ADAMTSL1: variants seen among roughly 807,000 people sequenced by gnomAD.
ADAMTSL1 encodes ADAMTS-like protein 1.
Under a neutral mutation model 201.8 loss-of-function variants are expected in ADAMTSL1, and 126 were observed. The ratio of observed to expected loss-of-function variants is 0.62; its 90% CI spans 0.54 to 0.72. The LOEUF is 0.72. Among genes scored for constraint, ADAMTSL1 ranks in the 30% least tolerant of loss-of-function variants. The pLI is 0.00. For synonymous variants in ADAMTSL1, 1,121 were observed against 903.4 expected, an observed-to-expected ratio of 1.24 and a Z score of -4.32; for missense variants, 2,679 against 2,277.8, an observed-to-expected ratio of 1.18 and a Z score of -3.59.
chr9:17,978,859 C>G (rs1257707257), intron 1 of ADAMTSL1, among the ~76,000 whole-genome samples: 1 of 152,002 alleles, frequency 6.6e-6, no homozygotes, highest in Admixed American at 6.6e-5. Flanking sequence ...TAAGGCAGGG[C>G]TAGTGACAAT....
chr9:17,949,007 G>T (rs1178850061), intron 1 of ADAMTSL1, among the ~76,000 whole-genome samples: 2 of 152,144 alleles, frequency 1.3e-5, no homozygotes, highest in Non-Finnish European at 1.5e-5. Context: ...ATATCTGTAT[G>T]ATTCTGAAAT....
chr9:18,189,715 C>T (rs1415535941), intron 2 of ADAMTSL1, among the ~76,000 whole-genome samples: 30 of 152,194 alleles, frequency 2.0e-4, no homozygotes. Context: ...TCCTTCAGCT[C>T]CCACCATTAT....
At chr9:18,829,761 C>G in intron 22 of ADAMTSL1, 82 bp from the exon 23 acceptor site, 1 of 1,562,198 alleles carries the variant, frequency 6.4e-7, no homozygotes, top group East Asian at 2.2e-5. Flanking sequence ...CATGTGCACA[C>G]ACATGCATAC....
At chr9:18,161,568 A>G (rs576766832) in intron 1 of ADAMTSL1, among the ~76,000 whole-genome samples, 4 of 152,204 alleles carry the variant, frequency 2.6e-5, no homozygotes, top group African/African-American at 9.6e-5. Flanking sequence ...CTGTAAACCC[A>G]GTTCTTGATC....
intron 2 of ADAMTSL1, among the ~76,000 whole-genome samples, chr9:18,379,219 T>A (rs1225457886): frequency 6.6e-6 from 1 of 152,202 alleles, no homozygotes; most frequent in African/African-American, 2.4e-5. Context: ...GAGTCACTCA[T>A]GCTAAACGCC....
At chr9:18,694,886 G>C (rs1449100444) in intron 13 of ADAMTSL1, among the ~76,000 whole-genome samples, 1 of 152,222 alleles carries the variant, frequency 6.6e-6, no homozygotes, top group African/African-American at 2.4e-5. Flanking sequence ...ACAGACTTCT[G>C]CCTTGATTTC....
At chr9:18,596,136 A>G (rs997563202) in intron 4 of ADAMTSL1, among the ~76,000 whole-genome samples, 1 of 152,180 alleles carries the variant, frequency 6.6e-6, no homozygotes, top group Non-Finnish European at 1.5e-5. Context: ...TACATTTAAG[A>G]TATCTGAAGC....
At chr9:18,719,028 TTAA>T (rs1409360893) in intron 14 of ADAMTSL1, among the ~76,000 whole-genome samples, 1 of 152,230 alleles carries the variant, frequency 6.6e-6, no homozygotes, top group Non-Finnish European at 1.5e-5. Flanking sequence ...CATCACTACC[TTAA>T]TAATACTAGA....
At chr9:18,548,488 T>A (rs1321879731) in intron 3 of ADAMTSL1, among the ~76,000 whole-genome samples, 1 of 152,042 alleles carries the variant, frequency 6.6e-6, no homozygotes, top group African/African-American at 2.4e-5. Context: ...TGAATTACAG[T>A]GCTGTTGGAT....
At chr9:18,300,309 C>T (rs929446985) in intron 2 of ADAMTSL1, among the ~76,000 whole-genome samples, 5 of 152,116 alleles carry the variant, frequency 3.3e-5, no homozygotes, top group Non-Finnish European at 7.3e-5. Flanking sequence ...ATGTCCTTTG[C>T]AGGGACGTGG....
chr9:17,952,917 CCCTCCTCCTCCT>C lies in ADAMTSL1; in HGVS notation c.87+46023_87+46034del, dbSNP rs59567399. 7.7e-4 allele frequency among the ~76,000 whole-genome samples: 113 copies of C among 146,066 alleles called. 1 individual carries two copies. In the East Asian group the frequency reaches 0.012, roughly 16 times the overall value. On this transcript the variant is annotated intron_variant, in intron 1 of 29. Transcript: ENST00000680146. ...AGCAGTTTCTCTCTCTTCCTCCTTT[CCCTCCTCCTCCT>C]CCTCCTCCTCCTCCTCCTCCTCCTC...
At chr9:18,656,576 C>T (rs1234451576) in intron 7 of ADAMTSL1, among the ~76,000 whole-genome samples, 1 of 144,608 alleles carries the variant, frequency 6.9e-6, no homozygotes, top group African/African-American at 2.5e-5. Flanking sequence ...TGGCAGTGAG[C>T]CGGGATGGTG....
At chr9:18,260,186 G>A (rs1224154184) in intron 2 of ADAMTSL1, among the ~76,000 whole-genome samples, 1 of 152,160 alleles carries the variant, frequency 6.6e-6, no homozygotes, top group African/African-American at 2.4e-5. Flanking sequence ...CACCATGGAT[G>A]GTAAAAATGG....
chr9:17,975,591 CAT>C (rs1563928615), intron 1 of ADAMTSL1, among the ~76,000 whole-genome samples: 1 of 152,030 alleles, frequency 6.6e-6, no homozygotes, highest in Non-Finnish European at 1.5e-5. Flanking sequence ...GGGTCACAAA[CAT>C]TGAGACCATA....
chr9:18,739,895 CTA>C (rs1818718438), intron 15 of ADAMTSL1, among the ~76,000 whole-genome samples: 2 of 109,140 alleles, frequency 1.8e-5, no homozygotes, highest in Admixed American at 2.0e-4. Context: ...TACATGTCTA[CTA>C]TCTGTGTGTG....
intron 5 of ADAMTSL1, among the ~76,000 whole-genome samples, chr9:18,630,798 A>G (rs1004937640): frequency 1.3e-5 from 2 of 152,170 alleles, no homozygotes; most frequent in Non-Finnish European, 2.9e-5. Flanking sequence ...TGGGCTTTCA[A>G]TTCAGCTCTG....
At chr9:18,087,185 T>C (rs1283285975) in intron 1 of ADAMTSL1, among the ~76,000 whole-genome samples, 3 of 152,174 alleles carry the variant, frequency 2.0e-5, no homozygotes, top group African/African-American at 7.2e-5. Flanking sequence ...CATAACCTTT[T>C]CTTTTCTCCC....
At chr9:18,633,368 G>A (rs1040077413) in intron 5 of ADAMTSL1, among the ~76,000 whole-genome samples, 3 of 151,954 alleles carry the variant, frequency 2.0e-5, no homozygotes, top group Non-Finnish European at 4.4e-5. Context: ...GAGGTGGGTG[G>A]ATCACAAGGT....
chr9:18,289,788 C>T (rs1321143008), intron 2 of ADAMTSL1, among the ~76,000 whole-genome samples: 1 of 152,152 alleles, frequency 6.6e-6, no homozygotes, highest in African/African-American at 2.4e-5. Flanking sequence ...TTTTAATATT[C>T]GGGCCAAAGT....
Sources: gnomAD v4.1 joint callset for allele counts (sites outside exome capture counted in the v4.1 genomes callset) on GRCh38, gnomAD v4.1.1 for gene constraint, MANE v1.5 for transcripts, NCBI Gene and HGNC (gene_info 2026-07-23, HGNC 2026-07-21) for gene names.